The following DCAF6 variants were observed in gnomAD, a reference collection of about 807,000 sequenced individuals.
DCAF6 encodes the protein DDB1- and CUL4-associated factor 6.
In DCAF6, 54 loss-of-function variants were observed where a neutral mutation model predicts 125.1. The observed-to-expected ratio is 0.43, with a 90% CI of 0.35 to 0.54. DCAF6 has a LOEUF of 0.54. Among genes scored for constraint, DCAF6 ranks in the 20% least tolerant of loss-of-function variants. The probability of loss-of-function intolerance (pLI) is 0.01; values close to 1 mark genes in which losing one functional copy is unlikely to be tolerated. For synonymous variants in DCAF6, 371 were observed against 390.4 expected (o/e 0.95, Z 0.58); for missense variants, 934 against 1,161.7 (o/e 0.80, Z 2.85).
chr1:167,877,400 A>G, the DCAF6 span, among the ~76,000 whole-genome samples: 1 of 151,720 alleles, frequency 6.6e-6, no homozygotes, highest in Admixed American at 6.6e-5. Context: ...AGGAATACTG[A>G]AGGGAATAAT....
At chr1:168,022,271 T>C (rs571271250) in intron 11 of DCAF6, among the ~76,000 whole-genome samples, 14 of 152,316 alleles carry the variant, frequency 9.2e-5, no homozygotes, top group African/African-American at 2.6e-4. Context: ...ACCCAGCATA[T>C]TAAAAAGATA....
the DCAF6 span, chr1:167,870,519 G>T: frequency 2.0e-6 from 2 of 994,522 alleles, no homozygotes; most frequent in South Asian, 1.4e-5. Context: ...TGGGCCAGGC[G>T]CTGTGGCTCA....
At chr1:167,897,517 G>GTATA in the DCAF6 span, among the ~76,000 whole-genome samples, 13 of 69,004 alleles carry the variant, frequency 1.9e-4, no homozygotes, top group African/African-American at 4.2e-4. Flanking sequence ...ATATATATAT[G>GTATA]TATATATATA....
intron 2 of DCAF6, among the ~76,000 whole-genome samples, chr1:167,959,282 A>G (rs540331266): frequency 2.6e-5 from 4 of 152,316 alleles, no homozygotes; most frequent in Admixed American, 2.6e-4. Context: ...TCACTTGCTG[A>G]AGGACATCTT....
Position 168,044,682 on chromosome 1 carries a change from C to G in DCAF6, c.1930+11C>G. 6.3e-7 allele frequency: 1 copy of G among 1,593,648 alleles called. No individual in the cohort carries two copies. Among genetic ancestry groups the G allele is most frequent in the Non-Finnish European group, 8.6e-7 (1 of 1,162,244 alleles). ...ACCATATCAATATAAGTGAGTTGCT[C>G]CCTTTAGATAATTGCTTTGTATGGG... is the stretch of plus-strand genomic sequence containing the variant. On this transcript the variant is annotated intron_variant, in intron 15 of 21. Transcript: ENST00000367840.
At chr1:167,988,414 G>A (rs980990970) in intron 5 of DCAF6, among the ~76,000 whole-genome samples, 4 of 152,008 alleles carry the variant, frequency 2.6e-5, no homozygotes, top group African/African-American at 4.8e-5. Context: ...TGATCCTCCC[G>A]ACTTGGTGTC....
At chr1:168,007,909 T>C (rs1340101892) in intron 10 of DCAF6, among the ~76,000 whole-genome samples, 2 of 150,048 alleles carry the variant, frequency 1.3e-5, no homozygotes, top group Admixed American at 6.6e-5. Context: ...CAGACCCTTA[T>C]GCCTGATGTC....
chr1:167,986,088 G>C (rs757229400), intron 4 of DCAF6, among the ~76,000 whole-genome samples: 2 of 152,128 alleles, frequency 1.3e-5, no homozygotes, highest in South Asian at 2.1e-4. Flanking sequence ...TTTATTTTAG[G>C]AATAGATAAC....
chr1:168,055,190 G>A (rs2101887414), intron 17 of DCAF6, among the ~76,000 whole-genome samples: 1 of 152,146 alleles, frequency 6.6e-6, no homozygotes, highest in South Asian at 2.1e-4. Flanking sequence ...AAGTTTTATA[G>A]CTACTATGAA....
At chr1:167,902,615 A>T in the DCAF6 span, among the ~76,000 whole-genome samples, 4 of 152,270 alleles carry the variant, frequency 2.6e-5, no homozygotes, top group Admixed American at 1.3e-4. Context: ...GCCAAGTCAG[A>T]TGCAGAAAGG....
chr1:167,882,957 A>G, the DCAF6 span, among the ~76,000 whole-genome samples: 10 of 152,360 alleles, frequency 6.6e-5, no homozygotes, highest in East Asian at 1.7e-3. Flanking sequence ...AGGTCCTGAG[A>G]ACAGTGCCTG....
chr1:167,969,328 T>C (rs570290312), intron 3 of DCAF6: 90 of 152,326 alleles, frequency 5.9e-4, no homozygotes, highest in African/African-American at 2.1e-3. Context: ...ACTGGATTTT[T>C]ATCAGTTTAC....
chr1:167,883,164 A>G, the DCAF6 span, among the ~76,000 whole-genome samples: 1 of 152,168 alleles, frequency 6.6e-6, no homozygotes, highest in Non-Finnish European at 1.5e-5. Flanking sequence ...CAGCCTCCTG[A>G]GTAGCTGAGA....
At chr1:167,905,045 C>T in the DCAF6 span, 2 of 1,614,198 alleles carry the variant, frequency 1.2e-6, no homozygotes, top group African/African-American at 1.3e-5. Context: ...TAAAGGGTCG[C>T]TCTGGGGAGA....
At chr1:167,883,532 C>T in the DCAF6 span, 1 of 1,614,254 alleles carries the variant, frequency 6.2e-7, no homozygotes, top group East Asian at 2.2e-5. Context: ...GGGCCTATCT[C>T]TTCTGCTTTG....
At position 167,973,276 on chromosome 1, in the gene DCAF6, T is replaced by C. The variant is rs1677619657; in HGVS notation, c.253-1554T>C. On this transcript the variant is annotated intron_variant, in intron 3 of 21. Coordinates refer to ENST00000367840, the MANE Select transcript of DCAF6 (RefSeq NM_001198956.2). Reference sequence around the variant, plus strand: ...GTAGATTCAGATTAAACATTTTTGGTGAGAATTCTCAGGTGATATTGTGGT... The same window carrying C: ...GTAGATTCAGATTAAACATTTTTGGCGAGAATTCTCAGGTGATATTGTGGT... 2.0e-5 allele frequency among the ~76,000 whole-genome samples: 3 copies of C among 152,244 alleles called. No individual in the cohort carries two copies. In the South Asian group the frequency reaches 6.2e-4, roughly 31 times the overall value.
upstream of DCAF6, among the ~76,000 whole-genome samples, chr1:167,934,720 T>C (rs151312426): frequency 2.9e-3 from 437 of 152,314 alleles, 2 homozygotes; most frequent in African/African-American, 0.01. Context: ...ATTTTAACTA[T>C]GTAGGAGAAT....
chr1:168,033,080 T>G (rs951224467), intron 12 of DCAF6, among the ~76,000 whole-genome samples: 1 of 152,202 alleles, frequency 6.6e-6, no homozygotes, highest in African/African-American at 2.4e-5. Context: ...ACCTCATGAT[T>G]ATAATTTCGT....
At chr1:168,063,097 G>C (rs553179828) in intron 17 of DCAF6, among the ~76,000 whole-genome samples, 1 of 151,970 alleles carries the variant, frequency 6.6e-6, no homozygotes, top group Admixed American at 6.6e-5. Flanking sequence ...ATTTTTAGTA[G>C]AGATGGGGTT....
Sources: gnomAD v4.1 joint callset for allele counts (sites outside exome capture counted in the v4.1 genomes callset) on GRCh38, gnomAD v4.1.1 for gene constraint, MANE v1.5 for transcripts, NCBI Gene and HGNC (gene_info 2026-07-23, HGNC 2026-07-21) for gene names.